Variants in ARSB observed in about 807,000 individuals in gnomAD.
ARSB encodes the protein arylsulfatase B.
In ARSB, 41 loss-of-function variants were observed where a neutral mutation model predicts 50.9. The observed-to-expected ratio is 0.81, with a 90% CI of 0.63 to 1.04. The LOEUF (loss-of-function observed/expected upper bound fraction) is 1.04, where lower values mean the gene tolerates loss of function less well. Among genes scored for constraint, ARSB ranks in the 50% least tolerant of loss-of-function variants. The pLI is 0.00. For synonymous variants in ARSB, 269 were observed against 284.8 expected, an observed-to-expected ratio of 0.94 and a Z score of 0.56; for missense variants, 672 against 693.3, an observed-to-expected ratio of 0.97 and a Z score of 0.35.
At chr5:78,908,868 T>C (rs553023173) in intron 4 of ARSB, among the ~76,000 whole-genome samples, 40 of 152,218 alleles carry the variant, frequency 2.6e-4, no homozygotes, top group African/African-American at 7.5e-4. Context: ...TTTTAACTCA[T>C]TGGGGGCCTT....
intron 4 of ARSB, among the ~76,000 whole-genome samples, chr5:78,905,907 T>G (rs1749040617): frequency 2.8e-5 from 1 of 35,618 alleles, no homozygotes; most frequent in African/African-American, 1.3e-4. Context: ...GGGAGCAAAG[T>G]AGCAAAAAAA....
At position 78,959,942 on chromosome 5, in the gene ARSB, T is replaced by G. The variant is rs77526096; in HGVS notation, c.691-4440A>C. On this transcript the variant is annotated intron_variant, in intron 3 of 7. Coordinates refer to ENST00000264914, the MANE Select transcript of ARSB (RefSeq NM_000046.5). ...GCCTGTGAACAGCTGTGGTCAATTT[T>G]CCCACTCCTGCCAACCAGAGCTCGG... 2.6e-3 allele frequency among the ~76,000 whole-genome samples: 395 copies of G among 152,306 alleles called. 1 individual carries two copies. Among genetic ancestry groups the G allele is most frequent in the African/African-American group, 9.1e-3 (377 of 41,580 alleles).
At chr5:78,794,470 A>G (rs767311636) in intron 6 of ARSB, among the ~76,000 whole-genome samples, 1 of 152,186 alleles carries the variant, frequency 6.6e-6, no homozygotes, top group Non-Finnish European at 1.5e-5. Flanking sequence ...GCAAGAGTAA[A>G]TGTGACCTGT....
chr5:78,835,641 A>C (rs1744916902), intron 6 of ARSB, among the ~76,000 whole-genome samples: 1 of 152,212 alleles, frequency 6.6e-6, no homozygotes, highest in Non-Finnish European at 1.5e-5. Flanking sequence ...TCTATTTATG[A>C]TCATGCCTTT....
intron 2 of ARSB, 112 bp downstream of exon 2, chr5:78,968,894 A>G (rs908436687): frequency 8.7e-6 from 11 of 1,267,146 alleles, no homozygotes; most frequent in African/African-American, 1.5e-5. Flanking sequence ...GTGCCGACTG[A>G]TTCACTCTGT....
chr5:78,935,094 C>T (rs1232656961), intron 4 of ARSB, among the ~76,000 whole-genome samples: 1 of 151,862 alleles, frequency 6.6e-6, no homozygotes, highest in East Asian at 1.9e-4. Flanking sequence ...ACTTTGCTCC[C>T]TCAATAATTA....
At position 78,779,877 on chromosome 5, in the gene ARSB, A is replaced by G. The variant is rs1188673674; in HGVS notation, c.*520T>C. On this transcript the variant is annotated 3_prime_UTR_variant, in exon 8 of 8. Transcript: ENST00000264914. ...AATGGGCCTTATGCTCTGTGATGAG[A>G]TAAGTGAGTAAGGGGTGAACCAAGA... 5.6e-6 allele frequency: 1 copy of G among 177,768 alleles called. No individual in the cohort carries two copies. Among genetic ancestry groups the G allele is most frequent in the East Asian group, 1.5e-4 (1 of 6,620 alleles). 11.0% of individuals were successfully genotyped at this position (177,768 alleles called of 1,614,324 possible).
At chr5:78,909,216 T>C (rs372426359) in intron 4 of ARSB, among the ~76,000 whole-genome samples, 48 of 152,366 alleles carry the variant, frequency 3.2e-4, no homozygotes, top group African/African-American at 1.1e-3. Flanking sequence ...ATTTATGATA[T>C]TAGCTTATGC....
At chr5:78,848,888 A>C (rs78836755) in intron 5 of ARSB, among the ~76,000 whole-genome samples, 33,755 of 150,716 alleles carry the variant, frequency 0.22, 4,413 homozygotes, top group Admixed American at 0.31. Context: ...GCGTCTGTTC[A>C]TATCCTTTGC....
At chr5:78,882,342 G>A (rs147337008) in intron 5 of ARSB, among the ~76,000 whole-genome samples, 4 of 152,302 alleles carry the variant, frequency 2.6e-5, no homozygotes, top group Non-Finnish European at 4.4e-5. Context: ...CAAGAGAGCA[G>A]GAGGAGGTCA....
rs145543441 is a variant in ARSB at position 78,812,176 on chromosome 5, A to G, written c.1213+27180T>C. Among the ~76,000 whole-genome samples, 285 of 152,314 alleles carry G rather than the reference A, an allele frequency of 1.9e-3. 2 individuals carry two copies. The highest frequency in any genetic ancestry group is 6.6e-3 in the African/African-American group (273 of 41,576). On this transcript the variant is annotated intron_variant, in intron 6 of 7. Transcript: ENST00000264914. The stretch of plus-strand genomic sequence containing the variant: ...TGGGAAAGTACACAAAGGCTACCCC[A>G]CTTGAGATGCAGGTCAGTATTTACA...
At chr5:78,923,004 A>G (rs1457750237) in intron 4 of ARSB, among the ~76,000 whole-genome samples, 1 of 152,194 alleles carries the variant, frequency 6.6e-6, no homozygotes, top group Non-Finnish European at 1.5e-5. Flanking sequence ...ACATGTGACT[A>G]TAAGGAAACG....
chr5:78,788,480 G>T (rs1749153823), intron 6 of ARSB, among the ~76,000 whole-genome samples: 1 of 152,208 alleles, frequency 6.6e-6, no homozygotes, highest in South Asian at 2.1e-4. Flanking sequence ...ATAGGATGGT[G>T]AGTTAGTGGG....
At chr5:78,925,135 G>A (rs1287184198) in intron 4 of ARSB, among the ~76,000 whole-genome samples, 1 of 152,132 alleles carries the variant, frequency 6.6e-6, no homozygotes, top group Non-Finnish European at 1.5e-5. Context: ...CTCATTTACA[G>A]TTCTCAGCAG....
At chr5:78,937,618 A>G (rs1750693492) in intron 4 of ARSB, among the ~76,000 whole-genome samples, 1 of 150,426 alleles carries the variant, frequency 6.6e-6, no homozygotes, top group Non-Finnish European at 1.5e-5. Flanking sequence ...GTACTATAAT[A>G]AAACATTGAA....
At chr5:78,953,814 G>C (rs1002832240) in intron 4 of ARSB, among the ~76,000 whole-genome samples, 1 of 152,040 alleles carries the variant, frequency 6.6e-6, no homozygotes, top group Non-Finnish European at 1.5e-5. Flanking sequence ...AAAAGGAAGA[G>C]AGATAATGTT....
At chr5:78,872,965 C>T (rs1021054921) in intron 5 of ARSB, among the ~76,000 whole-genome samples, 3 of 151,908 alleles carry the variant, frequency 2.0e-5, no homozygotes, top group South Asian at 2.1e-4. Context: ...ATCCAGGAAA[C>T]GCCAACATAC....
chr5:78,783,138 T>C (rs904253587), intron 6 of ARSB, among the ~76,000 whole-genome samples: 1 of 152,154 alleles, frequency 6.6e-6, no homozygotes, highest in Non-Finnish European at 1.5e-5. Context: ...CTGTTAGCTT[T>C]TCAAATATGG....
At chr5:78,888,899 T>C (rs960944083) in intron 4 of ARSB, among the ~76,000 whole-genome samples, 12 of 152,276 alleles carry the variant, frequency 7.9e-5, no homozygotes, top group African/African-American at 2.7e-4. Flanking sequence ...TCAACAGTTA[T>C]TCTTTTTAAG....
Sources: gnomAD v4.1 joint callset for allele counts (sites outside exome capture counted in the v4.1 genomes callset) on GRCh38, gnomAD v4.1.1 for gene constraint, MANE v1.5 for transcripts, NCBI Gene and HGNC (gene_info 2026-07-23, HGNC 2026-07-21) for gene names.